The following ZFHX3 variants were observed in gnomAD, a reference collection of about 807,000 sequenced individuals.
ZFHX3 encodes zinc finger homeobox protein 3.
ZFHX3 carries 42 observed loss-of-function variants against 279.1 expected under a neutral mutation model. The observed-to-expected ratio is 0.15, with a 90% CI of 0.12 to 0.19. The LOEUF (loss-of-function observed/expected upper bound fraction) is 0.19. Among genes scored for constraint, ZFHX3 ranks in the 10% least tolerant of loss-of-function variants. The probability of loss-of-function intolerance (pLI) is 1.00; values close to 1 mark genes in which losing one functional copy is unlikely to be tolerated. For synonymous variants in ZFHX3, 2,293 were observed against 1,957.8 expected, an observed-to-expected ratio of 1.17 and a Z score of -4.52; for missense variants, 4,981 against 4,754.0, an observed-to-expected ratio of 1.05 and a Z score of -1.40.
chr16:73,150,389 C>CTTTG (rs142350146), intron 5 of ZFHX3, among the ~76,000 whole-genome samples: 5,232 of 152,262 alleles, frequency 0.034, 280 homozygotes, highest in African/African-American at 0.12. Flanking sequence ...AGCAGATGAC[C>CTTTG]TTTGCCAAGT....
At chr16:73,077,377 G>A (rs1000252960) in intron 8 of ZFHX3, among the ~76,000 whole-genome samples, 11 of 150,586 alleles carry the variant, frequency 7.3e-5, no homozygotes, top group African/African-American at 2.2e-4. Flanking sequence ...TTTTTTCCAG[G>A]TGAAGTTCCA....
At chr16:73,280,981 A>G (rs2143061166) in intron 4 of ZFHX3, among the ~76,000 whole-genome samples, 1 of 143,756 alleles carries the variant, frequency 7.0e-6, no homozygotes, top group African/African-American at 2.5e-5. Flanking sequence ...CTGAAACTCC[A>G]TTAAAAGAAA....
intron 3 of ZFHX3, among the ~76,000 whole-genome samples, chr16:73,455,342 C>T (rs1315647203): frequency 6.6e-6 from 1 of 152,134 alleles, no homozygotes; most frequent in African/African-American, 2.4e-5. Context: ...CATCCAGTTC[C>T]TTAGTGCATC....
intron 2 of ZFHX3, among the ~76,000 whole-genome samples, chr16:73,557,402 G>A (rs1178875677): frequency 2.0e-5 from 3 of 152,154 alleles, no homozygotes; most frequent in Admixed American, 6.5e-5. Context: ...AATTCAGGGC[G>A]AGTTCGTAAA....
At chr16:73,864,275 C>T (rs997682324) in intron 1 of ZFHX3, among the ~76,000 whole-genome samples, 1 of 152,190 alleles carries the variant, frequency 6.6e-6, no homozygotes, top group Non-Finnish European at 1.5e-5. Flanking sequence ...ACGTAGTCAA[C>T]GTTAATATAC....
chr16:73,694,167 A>T (rs2053174261), intron 1 of ZFHX3, among the ~76,000 whole-genome samples: 1 of 151,920 alleles, frequency 6.6e-6, no homozygotes, highest in Non-Finnish European at 1.5e-5. Flanking sequence ...TACCAAAAAT[A>T]TAAAAATTAG....
At chr16:73,011,877 T>C (rs994264592) in intron 1 of ZFHX3, among the ~76,000 whole-genome samples, 3 of 152,098 alleles carry the variant, frequency 2.0e-5, no homozygotes, top group African/African-American at 7.2e-5. Flanking sequence ...TTGGTGTTAT[T>C]TGGGTATTCT....
At position 73,340,897 on chromosome 16, in the gene ZFHX3, A is replaced by G. The variant is rs557960562; in HGVS notation, c.-1290-22561T>C. On this transcript the variant is annotated intron_variant, in intron 3 of 17. Transcript: ENST00000641206. The stretch of plus-strand genomic sequence containing the variant: ...TTGAGTCAATATCCACAGTCAATAG[A>G]AGATTGATAAATTTGATTATATAAC... Among the ~76,000 whole-genome samples the G allele has an allele frequency of 7.7e-4, 118 of 152,362 alleles. 1 individual carries two copies. Among genetic ancestry groups the G allele is most frequent in the Non-Finnish European group, 1.3e-3 (86 of 68,028 alleles).
rs546244774 is a variant in ZFHX3 at position 72,909,867 on chromosome 16, C to T, written c.3217-19905G>A. On this transcript the variant is annotated intron_variant, in intron 3 of 9. Transcript: ENST00000268489. ...CACTCTACCCTGGGTGACAAAGTGA[C>T]ACCGTGTCTCAAAAAAAAAAAAAAA... Among the ~76,000 whole-genome samples, 195 of 119,520 alleles carry T rather than the reference C, an allele frequency of 1.6e-3. 2 individuals are homozygous for T. In the South Asian group the frequency reaches 0.058, roughly 36 times the overall value. The allele number at this position is 119,520 out of a possible 152,430, so 78.4% of individuals were successfully genotyped here.
chr16:73,751,293 A>G lies in ZFHX3; in HGVS notation c.-1607-71053T>C, dbSNP rs577551091. ...CATACTCTATTTGGCACTGAGTACA[A>G]TGTTTTGAATAGATAATATAGAAAC... is the stretch of plus-strand genomic sequence containing the variant. On this transcript the variant is annotated intron_variant, in intron 1 of 17. Transcript: ENST00000641206. Among the ~76,000 whole-genome samples, 16 of 152,342 alleles carry G rather than the reference A, an allele frequency of 1.1e-4. No homozygotes were observed. In the South Asian group the frequency reaches 3.3e-3, roughly 32 times the overall value.
Position 73,250,557 on chromosome 16 carries a change from G to A in ZFHX3, c.-1104+6490C>T, listed in dbSNP as rs572954454. ...TATTCATTTATTTATTTTTTGAGAC[G>A]GAATCTCGCTCTGTCACCCAGGCTG... On this transcript the variant is annotated intron_variant, in intron 5 of 17. Coordinates refer to the ZFHX3 transcript ENST00000641206. Among the ~76,000 whole-genome samples, 73 of 151,702 alleles carry A rather than the reference G, an allele frequency of 4.8e-4. 1 individual carries two copies. Among genetic ancestry groups the A allele is most frequent in the East Asian group, 7.8e-4 (4 of 5,160 alleles).
chr16:73,650,114 C>A (rs752615334), intron 2 of ZFHX3, among the ~76,000 whole-genome samples: 5 of 152,156 alleles, frequency 3.3e-5, no homozygotes, highest in Admixed American at 2.0e-4. Flanking sequence ...AGGCTCTGAT[C>A]ATATACCTTC....
intron 8 of ZFHX3, among the ~76,000 whole-genome samples, chr16:73,082,672 G>T (rs1028243565): frequency 2.0e-5 from 3 of 152,084 alleles, no homozygotes; most frequent in African/African-American, 7.2e-5. Flanking sequence ...AAGCTCCCTA[G>T]GCACGAGGGA....
chr16:72,862,713 A>C (rs1037449970), intron 4 of ZFHX3, among the ~76,000 whole-genome samples: 4 of 152,208 alleles, frequency 2.6e-5, no homozygotes, highest in African/African-American at 9.6e-5. Flanking sequence ...CAGAAAACAC[A>C]GGGGTACAGA....
intron 1 of ZFHX3, among the ~76,000 whole-genome samples, chr16:73,688,185 C>T (rs890100688): frequency 4.0e-5 from 6 of 151,462 alleles, no homozygotes; most frequent in Non-Finnish European, 5.9e-5. Context: ...GGTGAAACCC[C>T]GTCTCTACTA....
intron 1 of ZFHX3, among the ~76,000 whole-genome samples, chr16:73,713,243 G>A (rs1159544606): frequency 2.0e-5 from 3 of 152,096 alleles, no homozygotes; most frequent in Non-Finnish European, 2.9e-5. Context: ...AGGCCTCTCC[G>A]GAACATGCAT....
chr16:72,834,721 C>A (rs149436031), intron 4 of ZFHX3, among the ~76,000 whole-genome samples: 77 of 152,034 alleles, frequency 5.1e-4, no homozygotes, highest in African/African-American at 1.8e-3. Flanking sequence ...GAGGTGGCAT[C>A]ACCACAAAGC....
chr16:73,730,408 AAAGAC>A (rs1567564149), intron 1 of ZFHX3, among the ~76,000 whole-genome samples: 3 of 152,050 alleles, frequency 2.0e-5, no homozygotes. Context: ...AAAGAAAAGA[AAAGAC>A]AAGAAAGAAA....
intron 1 of ZFHX3, among the ~76,000 whole-genome samples, chr16:73,813,256 TGTTAA>T: frequency 6.6e-6 from 1 of 150,512 alleles, no homozygotes; most frequent in South Asian, 2.1e-4. Flanking sequence ...TCTCTCTCTC[TGTTAA>T]GTTAATGTTT....
Sources: gnomAD v4.1 joint callset for allele counts (sites outside exome capture counted in the v4.1 genomes callset) on GRCh38, gnomAD v4.1.1 for gene constraint, MANE v1.5 for transcripts, NCBI Gene and HGNC (gene_info 2026-07-23, HGNC 2026-07-21) for gene names.